Variants in PFKFB3 observed in about 807,000 individuals in gnomAD.
PFKFB3 encodes 6-phosphofructo-2-kinase/fructose-2,6-bisphosphatase 3.
Under a neutral mutation model 68.0 loss-of-function variants are expected in PFKFB3, and 33 were observed. The observed-to-expected ratio is 0.49, with a 90% CI of 0.37 to 0.65. The LOEUF is 0.65. PFKFB3 is among the 30% of genes least tolerant of loss of function. PFKFB3 has a pLI of 0.00. For missense variants in PFKFB3, 586 were observed against 712.2 expected, an observed-to-expected ratio of 0.82 and a Z score of 2.02; for synonymous variants, 315 against 288.2, an observed-to-expected ratio of 1.09 and a Z score of -0.94.
At chr10:6,269,410 C>G in the PFKFB3 span, among the ~76,000 whole-genome samples, 2 of 152,158 alleles carry the variant, frequency 1.3e-5, no homozygotes, top group African/African-American at 4.8e-5. Context: ...CCTCTTGTCT[C>G]AGCTTCCTGA....
At chr10:6,160,674 C>T (rs1178014259) in intron 1 of PFKFB3, among the ~76,000 whole-genome samples, 4 of 137,066 alleles carry the variant, frequency 2.9e-5, no homozygotes, top group South Asian at 2.4e-4. Flanking sequence ...GCTGAGATCT[C>T]GCCATTGCAT....
chr10:6,150,724 G>A (rs1841548036), intron 1 of PFKFB3, among the ~76,000 whole-genome samples: 1 of 152,322 alleles, frequency 6.6e-6, no homozygotes, highest in Admixed American at 6.5e-5. Flanking sequence ...CAGGCTGTGC[G>A]TGGTGGCTCA....
At chr10:6,260,814 A>G in the PFKFB3 span, among the ~76,000 whole-genome samples, 1 of 152,128 alleles carries the variant, frequency 6.6e-6, no homozygotes, top group Non-Finnish European at 1.5e-5. Flanking sequence ...GTGTTTTTCC[A>G]GTTTTTTTAC....
At chr10:6,183,614 A>AAAAATATATATATAT (rs1242752213) in intron 1 of PFKFB3, among the ~76,000 whole-genome samples, 3 of 93,944 alleles carry the variant, frequency 3.2e-5, no homozygotes, top group African/African-American at 6.8e-5. Context: ...AAAAAAAAAA[A>AAAAATATATATATAT]ATATATATAT....
Position 6,215,385 on chromosome 10 carries a change from G to T in PFKFB3, c.299+68G>T, listed in dbSNP as rs1844503774. 1.6e-6 allele frequency: 2 copies of T among 1,219,440 alleles called. No individual in the cohort carries two copies. The highest frequency in any genetic ancestry group is 2.4e-6 in the Non-Finnish European group (2 of 834,066). 75.5% of individuals were successfully genotyped at this position (1,219,440 alleles called of 1,614,324 possible). A position where few individuals can be genotyped will look rare whatever the true frequency, so the allele number is the denominator to read the frequency against. Reference sequence around the variant, plus strand: ...GGCTGGGCCGCGGGCATAAGGCTGGGCTGCAGGAGTAAGGCTGGGCCGCGG... The same window carrying T: ...GGCTGGGCCGCGGGCATAAGGCTGGTCTGCAGGAGTAAGGCTGGGCCGCGG... On this transcript the variant is annotated intron_variant, in intron 3 of 14. Coordinates refer to ENST00000379775, the MANE Select transcript of PFKFB3 (RefSeq NM_004566.4). This position sits in a 1 kb window ranked among gnomAD's most constrained non-coding sequence, Gnocchi z 4.3.
chr10:6,263,292 C>A, the PFKFB3 span, among the ~76,000 whole-genome samples: 3 of 152,110 alleles, frequency 2.0e-5, no homozygotes, highest in Non-Finnish European at 4.4e-5. Flanking sequence ...CTGTTGTTTG[C>A]GGCTTAAGAA....
intron 1 of PFKFB3, among the ~76,000 whole-genome samples, chr10:6,179,953 T>C (rs1302052486): frequency 1.3e-5 from 2 of 151,976 alleles, no homozygotes; most frequent in African/African-American, 2.4e-5. Flanking sequence ...AAACGCCCGG[T>C]GAGGTCGATC....
At chr10:6,272,672 G>A in the PFKFB3 span, among the ~76,000 whole-genome samples, 1 of 152,066 alleles carries the variant, frequency 6.6e-6, no homozygotes, top group Non-Finnish European at 1.5e-5. Context: ...TCCAGCCTGG[G>A]TGACAGAGGG....
At chr10:6,145,359 C>A (rs1351125806) in intron 1 of PFKFB3, among the ~76,000 whole-genome samples, 4 of 150,390 alleles carry the variant, frequency 2.7e-5, no homozygotes, top group Middle Eastern at 3.5e-3. Flanking sequence ...TCCAGACCCG[C>A]GCTACCTCCT....
intron 1 of PFKFB3, among the ~76,000 whole-genome samples, chr10:6,167,977 C>T (rs1362815302): frequency 6.6e-6 from 1 of 152,192 alleles, no homozygotes; most frequent in African/African-American, 2.4e-5. Flanking sequence ...TAGGTCACAT[C>T]CTCAGCTTCT....
At chr10:6,150,023 T>C (rs1189894805) in intron 1 of PFKFB3, 2 of 152,258 alleles carry the variant, frequency 1.3e-5, no homozygotes, top group East Asian at 3.8e-4. Flanking sequence ...CCGTTGTGAA[T>C]AGCGCTGCAA....
intron 14 of PFKFB3, among the ~76,000 whole-genome samples, chr10:6,248,275 A>C (rs1846299562): frequency 6.6e-6 from 1 of 152,120 alleles, no homozygotes; most frequent in Admixed American, 6.5e-5. Context: ...CTTGTTTTGA[A>C]GTGTTAAATG....
the PFKFB3 span, among the ~76,000 whole-genome samples, chr10:6,303,410 C>T: frequency 3.4e-3 from 510 of 152,152 alleles, 3 homozygotes; most frequent in East Asian, 0.013. Flanking sequence ...CAGAGTGCAA[C>T]GATGGTTTCA....
chr10:6,146,144 G>C, intron 1 of PFKFB3: 3 of 774,076 alleles, frequency 3.9e-6, no homozygotes, highest in Non-Finnish European at 3.1e-6. Context: ...GGGTGTGTGT[G>C]GGGGGAGCCT....
downstream of PFKFB3, among the ~76,000 whole-genome samples, chr10:6,258,673 G>A (rs145762791): frequency 6.6e-6 from 1 of 152,316 alleles, no homozygotes; most frequent in African/African-American, 2.4e-5. Flanking sequence ...AATATCCACT[G>A]GATGTTCATT....
intron 1 of PFKFB3, among the ~76,000 whole-genome samples, chr10:6,205,388 CTTTTT>C (rs3084014): frequency 2.4e-4 from 26 of 106,520 alleles, no homozygotes; most frequent in East Asian, 7.9e-4. Flanking sequence ...TTCTTTCTTC[CTTTTT>C]TTTTTTTTTT....
At chr10:6,262,440 G>A in the PFKFB3 span, among the ~76,000 whole-genome samples, 16 of 120,794 alleles carry the variant, frequency 1.3e-4, 1 homozygote, top group Admixed American at 8.2e-4. Flanking sequence ...GGGCGACAGC[G>A]AGACTCCATC....
At chr10:6,290,852 G>A in the PFKFB3 span, among the ~76,000 whole-genome samples, 1 of 152,048 alleles carries the variant, frequency 6.6e-6, no homozygotes, top group Non-Finnish European at 1.5e-5. Flanking sequence ...ATCATGCTTG[G>A]TGTATTTATC....
In PFKFB3 at chr10:6,165,174, A is replaced by G. The variant is rs1448591806; in HGVS notation, c.16+20161A>G. ...AGGTCCCTGCAGCCTTCTGCAGTGC[A>G]TGGTGTCCCTGGTTAATCGAGAATG... On this transcript the variant is annotated intron_variant, in intron 1 of 14. Coordinates refer to the PFKFB3 transcript ENST00000379789. Among the ~76,000 whole-genome samples the G allele has an allele frequency of 2.6e-5, 4 of 152,170 alleles. No individual in the cohort carries two copies. The South Asian group carries it at 8.3e-4, about 32-fold the overall frequency.
Sources: gnomAD v4.1 joint callset for allele counts (sites outside exome capture counted in the v4.1 genomes callset) on GRCh38, gnomAD v4.1.1 for gene constraint, Gnocchi (gnomAD v3.1) non-coding constraint, MANE v1.5 for transcripts, NCBI Gene and HGNC (gene_info 2026-07-23, HGNC 2026-07-21) for gene names.